Variants in CDC25C observed in about 807,000 individuals in gnomAD.
The protein encoded by CDC25C is cell division cycle 25C.
CDC25C carries 48 observed loss-of-function variants against 52.5 expected under a neutral mutation model. The ratio of observed to expected loss-of-function variants is 0.91; its 90% CI spans 0.72 to 1.16. CDC25C has a LOEUF of 1.16. CDC25C is among the 50% of genes most tolerant of loss of function. CDC25C has a pLI of 0.00. For synonymous variants in CDC25C, 187 were observed against 206.5 expected (o/e 0.91, Z 0.81); for missense variants, 510 against 566.1 (o/e 0.90, Z 1.01).
At chr5:138,297,751 T>C (rs535985902) in intron 7 of CDC25C, among the ~76,000 whole-genome samples, 2 of 152,296 alleles carry the variant, frequency 1.3e-5, no homozygotes, top group African/African-American at 4.8e-5. Flanking sequence ...CTAATAAATA[T>C]ACTCTGTACT....
intron 7 of CDC25C, among the ~76,000 whole-genome samples, chr5:138,310,530 G>A (rs945902830): frequency 1.1e-4 from 17 of 152,192 alleles, no homozygotes; most frequent in African/African-American, 3.6e-4. Context: ...ACATAGTTTA[G>A]TCGTATACTA....
At chr5:138,329,732 T>A in intron 2 of CDC25C, 85 bp from the exon 3 acceptor site, 1 of 608,470 alleles carries the variant, frequency 1.6e-6, no homozygotes, top group Non-Finnish European at 2.7e-6. Context: ...TCTTCTTTTT[T>A]TTTTTTTTTT....
intron 4 of CDC25C, among the ~76,000 whole-genome samples, chr5:138,328,110 G>A (rs1337303805): frequency 6.6e-6 from 1 of 152,108 alleles, no homozygotes; most frequent in African/African-American, 2.4e-5. Flanking sequence ...CAACTGATCC[G>A]CCTGCCTTGG....
At chr5:138,337,651 C>A in intron 1 of CDC25C, 1 of 311,148 alleles carries the variant, frequency 3.2e-6, no homozygotes, top group Admixed American at 5.0e-5. Flanking sequence ...GTGGAAACGT[C>A]CCCGCAACCA....
chr5:138,314,485 A>T (rs942125735), intron 7 of CDC25C, among the ~76,000 whole-genome samples: 1 of 145,418 alleles, frequency 6.9e-6, no homozygotes, highest in Non-Finnish European at 1.5e-5. Context: ...TAGTAGAGCC[A>T]AGGTTTCATA....
rs749732384 is a variant in CDC25C, at chr5:138,328,471, C to G, written c.335+13G>C. ...AGGCTTTTGTGTGGGGTTCATTTAACAACAGAACTTACATCCCAGCTAAAT... is the reference window on the plus strand; with the variant it reads ...AGGCTTTTGTGTGGGGTTCATTTAAGAACAGAACTTACATCCCAGCTAAAT... On this transcript the variant is annotated intron_variant, in intron 4 of 13. Coordinates refer to ENST00000323760, the MANE Select transcript of CDC25C (RefSeq NM_001790.5). 1.9e-6 allele frequency: 3 copies of G among 1,612,892 alleles called. No homozygotes were observed. Among genetic ancestry groups the G allele is most frequent in the South Asian group, 1.1e-5 (1 of 91,060 alleles).
At chr5:138,297,305 C>T (rs1757287231) in intron 7 of CDC25C, among the ~76,000 whole-genome samples, 2 of 152,114 alleles carry the variant, frequency 1.3e-5, no homozygotes, top group South Asian at 4.1e-4. Flanking sequence ...AAGTGATCGG[C>T]CCACCTCGGC....
chr5:138,316,887 A>G (rs1758918054), intron 7 of CDC25C, among the ~76,000 whole-genome samples: 1 of 152,140 alleles, frequency 6.6e-6, no homozygotes, highest in East Asian at 1.9e-4. Flanking sequence ...CTAACACTCA[A>G]TAAAGCTTCT....
intron 2 of CDC25C, among the ~76,000 whole-genome samples, chr5:138,329,958 T>C (rs1760223211): frequency 6.6e-6 from 1 of 152,088 alleles, no homozygotes; most frequent in South Asian, 2.1e-4. Flanking sequence ...CTTAAACTCC[T>C]AACCTCAGGT....
upstream of CDC25C, chr5:138,331,873 A>G (rs1271066358): frequency 1.3e-5 from 13 of 985,566 alleles, 1 homozygote; most frequent in Middle Eastern, 1.0e-3. Context: ...GCTCGCCTCT[A>G]AGCTGCGTCA....
At chr5:138,328,624 T>A in intron 3 of CDC25C, 95 bp from the exon 4 acceptor site, 1 of 1,015,658 alleles carries the variant, frequency 9.8e-7, no homozygotes, top group Non-Finnish European at 1.6e-6. Context: ...TAAGCCGTAT[T>A]AATTTCAAGG....
chr5:138,337,681 A>G, intron 1 of CDC25C: 1 of 320,776 alleles, frequency 3.1e-6, no homozygotes, highest in Non-Finnish European at 6.0e-6. Context: ...CTGGGTTTTT[A>G]AGGTTCAGGC....
chr5:138,323,144 C>T (rs1484304178), intron 6 of CDC25C, among the ~76,000 whole-genome samples: 3 of 151,402 alleles, frequency 2.0e-5, no homozygotes, highest in Non-Finnish European at 4.4e-5. Context: ...GTTGGCCAAG[C>T]TGGTCTCAAA....
chr5:138,286,113 T>G lies in CDC25C; in HGVS notation c.1181A>C (p.Glu394Ala), dbSNP rs908121086. The change falls in exon 13 of 14, where the codon GAG becomes GCG. Residue 394 changes from glutamate to alanine, a missense_variant. Physicochemically the swap from Glu to Ala is moderately radical, Grantham distance 107. Coordinates refer to ENST00000323760, the MANE Select transcript of CDC25C (RefSeq NM_001790.5). The part of the protein sequence containing the change: ...GPRMCRCLRE[E>A]DRSLNQYPAL... ...AGGATACTGGTTCAGAGACCTGTCC[T>G]CTTCACGCAGACAGCGGCACCTTTA... 12 of 1,613,830 alleles carry G rather than the reference T, an allele frequency of 7.4e-6. No individual in the cohort carries two copies. Among genetic ancestry groups the G allele is most frequent in the Non-Finnish European group, 9.3e-6 (11 of 1,179,788 alleles).
intron 4 of CDC25C, 41 bp from the exon 5 acceptor site, chr5:138,326,095 T>C (rs200723419): frequency 1.9e-6 from 3 of 1,607,500 alleles, no homozygotes; most frequent in African/African-American, 2.7e-5. Flanking sequence ...TAGTCCCAAA[T>C]ACTGTTTGAT....
chr5:138,331,204 A>C lies in CDC25C; in HGVS notation c.-24T>G, dbSNP rs777610362. ...ATGGTCTTCGAATTCTCACCAGGAG[A>C]AAAACAAAACCTAGCTAGGAGGAAA... On this transcript the variant is annotated 5_prime_UTR_variant, in exon 2 of 14. Coordinates refer to ENST00000323760, the MANE Select transcript of CDC25C (RefSeq NM_001790.5). The C allele has an allele frequency of 1.2e-6, 2 of 1,611,978 alleles. No homozygotes were observed. Among genetic ancestry groups the C allele is most frequent in the Admixed American group, 3.3e-5 (2 of 59,994 alleles).
upstream of CDC25C, chr5:138,335,218 C>T (rs1760624678): frequency 6.6e-6 from 1 of 152,350 alleles, no homozygotes; most frequent in African/African-American, 2.4e-5. Flanking sequence ...CAGCCAGCCT[C>T]TGCAGGGCAG....
At chr5:138,289,412 G>T (rs1400726837) in intron 10 of CDC25C, 89 bp downstream of exon 10, 7 of 927,012 alleles carry the variant, frequency 7.6e-6, no homozygotes, top group Admixed American at 1.8e-5. Context: ...CACAGTGAAA[G>T]AAATACAAAT....
At chr5:138,309,603 A>G (rs1758290336) in intron 7 of CDC25C, among the ~76,000 whole-genome samples, 1 of 152,132 alleles carries the variant, frequency 6.6e-6, no homozygotes, top group African/African-American at 2.4e-5. Context: ...TTAAGAAAAC[A>G]AAATAAAAAA....
Sources: allele counts gnomAD v4.1 joint callset (sites outside exome capture counted in the v4.1 genomes callset), GRCh38; gene constraint gnomAD v4.1.1; transcripts MANE v1.5; gene names NCBI Gene and HGNC (gene_info 2026-07-23, HGNC 2026-07-21).